DENND2C: variants seen among roughly 807,000 people sequenced by gnomAD.
DENND2C encodes the protein DENN domain-containing protein 2C.
DENND2C carries 72 observed loss-of-function variants against 112.4 expected under a neutral mutation model. That is an observed-to-expected ratio of 0.64 (90% confidence interval 0.53 to 0.78). The LOEUF (loss-of-function observed/expected upper bound fraction) is 0.78, where lower values mean the gene tolerates loss of function less well. Ranked by LOEUF, DENND2C falls within the 30% of genes least tolerant of loss-of-function variation. The pLI, the probability that DENND2C is intolerant of heterozygous loss-of-function variation, is 0.00. For missense variants in DENND2C, 992 were observed against 1,113.8 expected (o/e 0.89, Z 1.56); for synonymous variants, 329 against 381.6 (o/e 0.86, Z 1.61).
At chr1:114,613,218 T>C (rs1276138250) in intron 8 of DENND2C, among the ~76,000 whole-genome samples, 1 of 152,208 alleles carries the variant, frequency 6.6e-6, no homozygotes, top group Non-Finnish European at 1.5e-5. Flanking sequence ...GTGTTGATAC[T>C]GAAAGAGCTC....
chr1:114,630,532 G>A (rs1053589771), intron 3 of DENND2C, among the ~76,000 whole-genome samples: 1 of 152,104 alleles, frequency 6.6e-6, no homozygotes, highest in Non-Finnish European at 1.5e-5. Context: ...TGATGGCCCA[G>A]CTTTCTCCCT....
chr1:114,629,947 T>C (rs552054562), intron 3 of DENND2C, among the ~76,000 whole-genome samples: 2 of 152,184 alleles, frequency 1.3e-5, no homozygotes, highest in African/African-American at 2.4e-5. Flanking sequence ...TTGGAAGAAT[T>C]TGGAACATTC....
At chr1:114,611,269 G>C (rs541257971) in intron 8 of DENND2C, 152 bp from the exon 9 acceptor site, 1 of 802,924 alleles carries the variant, frequency 1.2e-6, no homozygotes, top group African/African-American at 1.7e-5. Flanking sequence ...GTATCAAGTT[G>C]GGATAGTTAC....
chr1:114,634,420 G>A (rs1407713023), intron 3 of DENND2C, among the ~76,000 whole-genome samples: 1 of 151,942 alleles, frequency 6.6e-6, no homozygotes, highest in Admixed American at 6.6e-5. Context: ...TGCAGCCTCC[G>A]CCTCCTGGGT....
chr1:114,616,070 CT>C (rs1381211932), intron 8 of DENND2C, among the ~76,000 whole-genome samples: 1 of 145,514 alleles, frequency 6.9e-6, no homozygotes, highest in African/African-American at 2.6e-5. Context: ...GCAAGACTGT[CT>C]CAAAAGAAAA....
chr1:114,655,744 A>G (rs1657287662), intron 1 of DENND2C, among the ~76,000 whole-genome samples: 1 of 152,048 alleles, frequency 6.6e-6, no homozygotes, highest in African/African-American at 2.4e-5. Flanking sequence ...TCGGCCTCCC[A>G]AAGTGCTGGG....
intron 8 of DENND2C, among the ~76,000 whole-genome samples, chr1:114,612,324 T>C (rs1655841369): frequency 1.3e-5 from 2 of 151,906 alleles, no homozygotes; most frequent in Non-Finnish European, 2.9e-5. Flanking sequence ...ACAATCTGTT[T>C]GTGGGACAAT....
rs1462485686 is a variant in DENND2C at position 114,608,682 on chromosome 1, C to G, written c.1557+4G>C. ...TGAATGCCTCTTGGCCTCCTTGTGC[C>G]TACCTTGCCAGGGAATTGTTGTATG... On this transcript the variant is annotated splice_donor_region_variant and intron_variant, in intron 10 of 20. Transcript: ENST00000393274. 1 of 1,612,994 alleles carries G rather than the reference C, an allele frequency of 6.2e-7. No homozygotes were observed. The highest frequency in any genetic ancestry group is 2.2e-5 in the East Asian group (1 of 44,868).
chr1:114,612,402 AGTGCAGTGGCACAAT>A (rs1655846604), intron 8 of DENND2C, among the ~76,000 whole-genome samples: 1 of 150,106 alleles, frequency 6.7e-6, no homozygotes, highest in Non-Finnish European at 1.5e-5. Context: ...CACAGGCTAC[AGTGCAGTGGCACAAT>A]CTTGGCTCAC....
Position 114,609,266 on chromosome 1 carries a change from GGGTGCCA to G in DENND2C, c.1370-400_1370-394del, listed in dbSNP as rs373976854. Among the ~76,000 whole-genome samples the G allele has an allele frequency of 1.3e-3, 194 of 152,326 alleles. 1 individual carries two copies. The highest frequency in any genetic ancestry group is 4.3e-3 in the African/African-American group (179 of 41,586). On this transcript the variant is annotated intron_variant, in intron 9 of 20. Transcript: ENST00000393274. Reference sequence around the variant, plus strand: ...CTGCTGGGAATGCCATGAAATCACAGGGTGCCAGGTGGCACGGGGCAGGGGGCAGAGA... The same window carrying G: ...CTGCTGGGAATGCCATGAAATCACAGGGTGGCACGGGGCAGGGGGCAGAGA...
chr1:114,620,625 A>G (rs941159866), intron 7 of DENND2C, among the ~76,000 whole-genome samples: 1 of 152,210 alleles, frequency 6.6e-6, no homozygotes, highest in Non-Finnish European at 1.5e-5. Flanking sequence ...TTGTGCCAAC[A>G]TGATCTACCA....
rs563608776 is a variant in DENND2C, at chr1:114,625,351, T to C, written c.634A>G (p.Lys212Glu). Residue 212 changes from lysine (K) to glutamate (E), a missense_variant, in exon 4 of 21, where the codon AAA becomes GAA. Lys to Glu is a moderately conservative substitution (Grantham distance 56). Coordinates refer to ENST00000393274, the MANE Select transcript of DENND2C (RefSeq NM_001256404.2). ...ECGPSINPLPKPRRTFRYLSE... is the reference protein window; with the variant it reads ...ECGPSINPLPEPRRTFRYLSE... ...AAATATCTGAATGTCCTACGAGGTT[T>C]TGGCAAAGGATTTATGGAAGGTCCA... 7 of 1,614,058 alleles carry C rather than the reference T, an allele frequency of 4.3e-6. No individual in the cohort carries two copies. Among genetic ancestry groups the C allele is most frequent in the Non-Finnish European group, 5.9e-6 (7 of 1,180,022 alleles).
At chr1:114,627,892 T>C (rs1342296441) in intron 3 of DENND2C, among the ~76,000 whole-genome samples, 1 of 152,114 alleles carries the variant, frequency 6.6e-6, no homozygotes, top group East Asian at 1.9e-4. Context: ...AGGTTTTTGG[T>C]GGTCCTGGTT....
Position 114,622,075 on chromosome 1 carries a change from G to C in DENND2C, c.1057-10C>G. 6.6e-7 allele frequency: 1 copy of C among 1,525,302 alleles called. No individual in the cohort carries two copies. The highest frequency in any genetic ancestry group is 1.4e-5 in the African/African-American group (1 of 71,634). 94.5% of individuals were successfully genotyped at this position (1,525,302 alleles called of 1,614,324 possible). A position where few individuals can be genotyped will look rare whatever the true frequency, so the allele number is the denominator to read the frequency against. ...GAGGTTTTGGAGGGAGCTAAAACAG[G>C]AGAAGATGTACTGGTAAGATCACCT... On this transcript the variant is annotated splice_polypyrimidine_tract_variant and intron_variant, in intron 6 of 20. Transcript: ENST00000393274.
At position 114,625,480 on chromosome 1, in the gene DENND2C, A is replaced by G. The variant is rs1197652489; in HGVS notation, c.505T>C (p.Cys169Arg). The stretch of plus-strand genomic sequence containing the variant: ...TTCAGTTCTTTTTCTGAAGAGTCAC[A>G]ATGTTCTAAAGCCAAATTTAAGAGT... ...DKLLNLALEH[C>R]DSSEKELNFR... Residue 169 changes from cysteine to arginine, a missense_variant, in exon 4 of 21, where the codon TGT becomes CGT. Physicochemically the swap from Cys to Arg is radical, Grantham distance 180. Transcript: ENST00000393274. The G allele has an allele frequency of 6.2e-7, 1 of 1,614,128 alleles. No individual in the cohort carries two copies. The highest frequency in any genetic ancestry group is 1.1e-5 in the South Asian group (1 of 91,086).
At chr1:114,598,090 A>G (rs1655392708) in intron 16 of DENND2C, among the ~76,000 whole-genome samples, 1 of 152,214 alleles carries the variant, frequency 6.6e-6, no homozygotes, top group Non-Finnish European at 1.5e-5. Flanking sequence ...AAAGTTGGAG[A>G]TATGTTTACC....
chr1:114,661,883 T>C (rs1429616328), intron 1 of DENND2C, among the ~76,000 whole-genome samples: 4 of 152,146 alleles, frequency 2.6e-5, no homozygotes, highest in Admixed American at 1.3e-4. Flanking sequence ...GAATGCAAAG[T>C]TCAAAAATAA....
intron 3 of DENND2C, among the ~76,000 whole-genome samples, chr1:114,631,925 A>G (rs573410872): frequency 6.6e-6 from 1 of 152,242 alleles, no homozygotes; most frequent in African/African-American, 2.4e-5. Flanking sequence ...AAACATGAAC[A>G]TAAGTAGAGT....
chr1:114,658,730 G>A (rs1429019916), intron 1 of DENND2C, among the ~76,000 whole-genome samples: 2 of 125,516 alleles, frequency 1.6e-5, no homozygotes, highest in Admixed American at 7.8e-5. Context: ...AAGGTGCTAC[G>A]ACTCACAAGA....
Sources: gnomAD v4.1 joint callset for allele counts (sites outside exome capture counted in the v4.1 genomes callset) on GRCh38, gnomAD v4.1.1 for gene constraint, MANE v1.5 for transcripts, NCBI Gene and HGNC (gene_info 2026-07-23, HGNC 2026-07-21) for gene names.